Variants in TANC2 observed in about 807,000 individuals in gnomAD.
TANC2 encodes the protein tetratricopeptide repeat, ankyrin repeat and coiled-coil containing 2, also known as protein TANC2.
A neutral mutation model predicts 210.5 loss-of-function variants in TANC2; 26 were observed. The ratio of observed to expected loss-of-function variants is 0.12; its 90% CI spans 0.09 to 0.17. TANC2 has a LOEUF of 0.17. Ranked by LOEUF, TANC2 falls within the 10% of genes least tolerant of loss-of-function variation. The probability of loss-of-function intolerance (pLI) is 1.00; values close to 1 mark genes in which losing one functional copy is unlikely to be tolerated. For missense variants in TANC2, 2,129 were observed against 2,608.9 expected (o/e 0.82, Z 4.01); for synonymous variants, 931 against 967.1 (o/e 0.96, Z 0.69).
At chr17:63,261,607 A>G (rs563621660) in intron 8 of TANC2, among the ~76,000 whole-genome samples, 3 of 152,310 alleles carry the variant, frequency 2.0e-5, no homozygotes, top group Admixed American at 6.5e-5. Flanking sequence ...ACTAGATTCA[A>G]CTGCTGCTCC....
At chr17:63,268,080 T>C (rs1485335991) in intron 9 of TANC2, among the ~76,000 whole-genome samples, 3 of 152,172 alleles carry the variant, frequency 2.0e-5, no homozygotes, top group African/African-American at 7.2e-5. Flanking sequence ...ACAGGCATTG[T>C]GTAATTATCA....
Position 63,322,717 on chromosome 17 carries a change from T to C in TANC2, c.1575+3627T>C, listed in dbSNP as rs116875860. 2.7e-3 allele frequency among the ~76,000 whole-genome samples: 408 copies of C among 152,274 alleles called. 13 individuals are homozygous for C. In the East Asian group the frequency reaches 0.063, roughly 24 times the overall value. On this transcript the variant is annotated intron_variant, in intron 11 of 27. Coordinates refer to ENST00000689528, the Ensembl canonical transcript of TANC2. ...GAAAGACAATAAACAAATACATATA[T>C]AGTATGTCAGAAGATGATAAGTGCT...
intron 8 of TANC2, among the ~76,000 whole-genome samples, chr17:63,251,976 A>G (rs1443949841): frequency 6.6e-6 from 1 of 152,216 alleles, no homozygotes; most frequent in Non-Finnish European, 1.5e-5. Flanking sequence ...TAACTTGTTA[A>G]AACCACACTA....
At chr17:63,282,639 G>A (rs188271116) in intron 9 of TANC2, among the ~76,000 whole-genome samples, 81 of 152,116 alleles carry the variant, frequency 5.3e-4, no homozygotes, top group African/African-American at 1.8e-3. Context: ...TATCATTTTC[G>A]TTCTCACTAT....
chr17:62,993,367 A>G (rs571173885), intron 1 of TANC2, among the ~76,000 whole-genome samples: 2 of 152,322 alleles, frequency 1.3e-5, no homozygotes, highest in South Asian at 4.1e-4. Context: ...AAAGGAAAGT[A>G]GCTGGGAGTT....
intron 5 of TANC2, chr17:63,153,322 A>G (rs1419313773): frequency 6.6e-6 from 1 of 152,164 alleles, no homozygotes; most frequent in Non-Finnish European, 1.5e-5. Flanking sequence ...TTGTACATTC[A>G]TACAGAGTAA....
chr17:63,310,447 C>CA (rs1323051456), intron 9 of TANC2, among the ~76,000 whole-genome samples: 1 of 151,082 alleles, frequency 6.6e-6, no homozygotes, highest in Non-Finnish European at 1.5e-5. Context: ...GATTCCATCT[C>CA]AAAAAAAGAA....
intron 6 of TANC2, among the ~76,000 whole-genome samples, chr17:63,200,483 A>C (rs891001919): frequency 1.3e-5 from 2 of 152,152 alleles, no homozygotes; most frequent in African/African-American, 4.8e-5. Context: ...GTGCTTAATA[A>C]AAAATTTCTC....
chr17:63,158,040 A>G (rs2039897651), intron 5 of TANC2, among the ~76,000 whole-genome samples: 1 of 152,208 alleles, frequency 6.6e-6, no homozygotes, highest in Admixed American at 6.5e-5. Flanking sequence ...GTTATTGGGC[A>G]TCTTTACATG....
At chr17:63,379,959 C>T (rs766350921) in intron 15 of TANC2, 133 bp downstream of exon 15, 1 of 668,924 alleles carries the variant, frequency 1.5e-6, no homozygotes, top group Non-Finnish European at 2.6e-6. Context: ...TCTCCCAACA[C>T]GTATGGCCTG....
In TANC2 at chr17:63,240,091, G is replaced by C. The variant is rs1042414113; in HGVS notation, c.1033+2014G>C. Among the ~76,000 whole-genome samples the C allele has an allele frequency of 3.9e-5, 6 of 152,172 alleles. 1 individual carries two copies. In the South Asian group the frequency reaches 8.3e-4, roughly 21 times the overall value. On this transcript the variant is annotated intron_variant, in intron 8 of 27. Coordinates refer to ENST00000689528, the Ensembl canonical transcript of TANC2. The stretch of plus-strand genomic sequence containing the variant: ...GACACAGATCCAAACCATATCAACT[G>C]TACATTATGAAAAGTTCCAGGCAAG...
At chr17:63,013,670 G>A (rs932801103) in intron 2 of TANC2, among the ~76,000 whole-genome samples, 1 of 149,624 alleles carries the variant, frequency 6.7e-6, no homozygotes, top group African/African-American at 2.5e-5. Flanking sequence ...GCCAAGGCAG[G>A]AGAATCGCTT....
intron 8 of TANC2, among the ~76,000 whole-genome samples, chr17:63,255,820 T>C (rs1431380685): frequency 6.6e-6 from 1 of 152,020 alleles, no homozygotes; most frequent in Non-Finnish European, 1.5e-5. Context: ...AATCTTTATT[T>C]CTTTCCTTCT....
intron 3 of TANC2, among the ~76,000 whole-genome samples, chr17:63,096,753 T>C (rs981928203): frequency 6.6e-6 from 1 of 152,160 alleles, no homozygotes; most frequent in Non-Finnish European, 1.5e-5. Context: ...TTTCGTATCT[T>C]TGGGTATATA....
intron 2 of TANC2, among the ~76,000 whole-genome samples, chr17:63,054,860 A>G (rs914065961): frequency 6.6e-6 from 1 of 152,196 alleles, no homozygotes; most frequent in Non-Finnish European, 1.5e-5. Context: ...TTTAATCTAT[A>G]TGTATCCATT....
intron 8 of TANC2, among the ~76,000 whole-genome samples, chr17:63,244,070 G>A (rs1215264709): frequency 6.6e-6 from 1 of 152,182 alleles, no homozygotes; most frequent in Non-Finnish European, 1.5e-5. Context: ...TGAGAGGAAT[G>A]AGCAGGAGTA....
intron 3 of TANC2, among the ~76,000 whole-genome samples, chr17:63,075,809 G>A (rs954582621): frequency 5.4e-4 from 82 of 152,100 alleles, no homozygotes; most frequent in African/African-American, 1.9e-3. Context: ...GTGAGCCACC[G>A]CGCCTGGCCA....
At chr17:63,123,455 A>C (rs2038566832) in intron 4 of TANC2, among the ~76,000 whole-genome samples, 1 of 151,020 alleles carries the variant, frequency 6.6e-6, no homozygotes, top group African/African-American at 2.4e-5. Flanking sequence ...GCTGCTGGGG[A>C]GGCTGAGGCA....
chr17:63,370,906 C>G (rs1024460034), intron 14 of TANC2, among the ~76,000 whole-genome samples: 1 of 152,206 alleles, frequency 6.6e-6, no homozygotes, highest in Non-Finnish European at 1.5e-5. Context: ...TGCGAGGTCC[C>G]TGGCAAGGAA....
Sources: allele counts gnomAD v4.1 joint callset (sites outside exome capture counted in the v4.1 genomes callset), GRCh38; gene constraint gnomAD v4.1.1; transcripts MANE v1.5; gene names NCBI Gene and HGNC (gene_info 2026-07-23, HGNC 2026-07-21).